FAM120B: variants seen among roughly 807,000 people sequenced by gnomAD.
The protein encoded by FAM120B is constitutive coactivator of peroxisome proliferator-activated receptor gamma.
FAM120B carries 83 observed loss-of-function variants against 96.3 expected under a neutral mutation model. That is an observed-to-expected ratio of 0.86 (90% CI 0.72 to 1.03). The LOEUF (loss-of-function observed/expected upper bound fraction) is 1.03. Among genes scored for constraint, FAM120B ranks in the 50% least tolerant of loss-of-function variants. FAM120B has a pLI of 0.00. For missense variants in FAM120B, 1,027 were observed against 1,121.2 expected (o/e 0.92, Z 1.20); for synonymous variants, 407 against 402.7 (o/e 1.01, Z -0.13).
At chr6:170,337,519 T>G (rs1786521116) in intron 4 of FAM120B, among the ~76,000 whole-genome samples, 2 of 151,966 alleles carry the variant, frequency 1.3e-5, no homozygotes, top group Non-Finnish European at 2.9e-5. Flanking sequence ...CTGCCAGTTT[T>G]GGTATCAGGA....
chr6:170,325,876 A>G (rs965744822), intron 3 of FAM120B, among the ~76,000 whole-genome samples: 3 of 150,736 alleles, frequency 2.0e-5, no homozygotes, highest in African/African-American at 7.3e-5. Flanking sequence ...AAAGTGGTTG[A>G]TCTGGGGGTC....
chr6:170,404,498 G>A (rs1020545556), intron 9 of FAM120B, 52 bp from the exon 10 acceptor site: 14 of 1,499,638 alleles, frequency 9.3e-6, no homozygotes, highest in Non-Finnish European at 1.2e-5. Flanking sequence ...TCTTGTTTGT[G>A]TATTGAGAGA....
chr6:170,357,945 C>G (rs1404107598), intron 5 of FAM120B, among the ~76,000 whole-genome samples: 2 of 152,196 alleles, frequency 1.3e-5, no homozygotes, highest in African/African-American at 4.8e-5. Context: ...CATGTGTGTG[C>G]CTGTGCATGT....
intron 1 of FAM120B, among the ~76,000 whole-genome samples, chr6:170,311,317 T>A (rs1784576943): frequency 6.6e-6 from 1 of 152,226 alleles, no homozygotes; most frequent in Non-Finnish European, 1.5e-5. Flanking sequence ...TCCAGCAGTA[T>A]CTCATCTCTT....
rs902264919 is a variant in FAM120B, at chr6:170,370,198, G to A, written c.2283+11880G>A. Among the ~76,000 whole-genome samples the A allele has an allele frequency of 2.6e-5, 4 of 152,306 alleles. 1 individual carries two copies. The highest frequency in any genetic ancestry group is 2.4e-5 in the African/African-American group (1 of 41,570). The stretch of plus-strand genomic sequence containing the variant: ...TCTGCACCTCACAGACTTCCCCAGC[G>A]GGGCGGCCCCCAGGCCTTGTGTCCT... On this transcript the variant is annotated intron_variant, in intron 6 of 10. Coordinates refer to ENST00000476287, the MANE Select transcript of FAM120B (RefSeq NM_032448.3). The surrounding 1 kb of genome is among the most constrained non-coding windows in gnomAD (Gnocchi z 4.3).
At chr6:170,399,969 ACT>A in intron 9 of FAM120B, among the ~76,000 whole-genome samples, 1 of 111,294 alleles carries the variant, frequency 9.0e-6, no homozygotes. Flanking sequence ...CTATGTCATA[ACT>A]CTTAGGAGTG....
chr6:170,362,285 A>C (rs1788507818), intron 6 of FAM120B, among the ~76,000 whole-genome samples: 1 of 152,184 alleles, frequency 6.6e-6, no homozygotes, highest in Non-Finnish European at 1.5e-5. Flanking sequence ...GTTTCTGTGG[A>C]CATTCAAGGT....
At chr6:170,384,971 A>G (rs952624469) in intron 6 of FAM120B, among the ~76,000 whole-genome samples, 8 of 152,206 alleles carry the variant, frequency 5.3e-5, no homozygotes, top group Non-Finnish European at 1.2e-4. Flanking sequence ...TGTTGAACAC[A>G]TTTTGAACAC....
chr6:170,295,226 C>A, upstream of FAM120B: 1 of 554,400 alleles, frequency 1.8e-6, no homozygotes, highest in Non-Finnish European at 3.2e-6. The surrounding 1 kb of genome is among the most constrained non-coding windows in gnomAD (Gnocchi z 7.8). Flanking sequence ...TCTTTGGACA[C>A]GTGAACATAG....
At chr6:170,403,774 G>T (rs1014655958) in intron 9 of FAM120B, among the ~76,000 whole-genome samples, 1 of 152,200 alleles carries the variant, frequency 6.6e-6, no homozygotes, top group African/African-American at 2.4e-5. Context: ...GATTCTGTAG[G>T]AGGCCTGCCA....
chr6:170,358,147 G>A, intron 5 of FAM120B, 79 bp from the exon 6 acceptor site: 6 of 1,264,932 alleles, frequency 4.7e-6, no homozygotes, highest in Non-Finnish European at 6.7e-6. Context: ...CACACTCATA[G>A]TTAATAACTG....
intron 8 of FAM120B, among the ~76,000 whole-genome samples, chr6:170,392,276 C>T (rs936985120): frequency 2.6e-5 from 4 of 152,032 alleles, no homozygotes; most frequent in African/African-American, 4.8e-5. Flanking sequence ...GGCTCGATCT[C>T]GGCTCACTGC....
chr6:170,376,685 C>T (rs1442850596), intron 6 of FAM120B, among the ~76,000 whole-genome samples: 1 of 152,102 alleles, frequency 6.6e-6, no homozygotes, highest in East Asian at 1.9e-4. Context: ...GGTTTGGTTA[C>T]GGATGAGTGG....
intron 5 of FAM120B, among the ~76,000 whole-genome samples, chr6:170,353,081 G>T (rs1787681571): frequency 6.6e-6 from 1 of 152,080 alleles, no homozygotes. Flanking sequence ...AACCATCAGA[G>T]AATACTGTAA....
intron 6 of FAM120B, among the ~76,000 whole-genome samples, chr6:170,362,644 A>G (rs934439130): frequency 1.3e-5 from 2 of 150,834 alleles, no homozygotes; most frequent in African/African-American, 4.9e-5. Context: ...CTCTCATCCC[A>G]GGGTGCAATA....
At chr6:170,331,199 T>C (rs768618814) in intron 4 of FAM120B, among the ~76,000 whole-genome samples, 26 of 152,148 alleles carry the variant, frequency 1.7e-4, no homozygotes, top group Non-Finnish European at 3.2e-4. Flanking sequence ...AGTGTCAGGG[T>C]AGGGTTCTAC....
At chr6:170,384,137 C>T (rs1480598423) in intron 6 of FAM120B, among the ~76,000 whole-genome samples, 1 of 152,288 alleles carries the variant, frequency 6.6e-6, no homozygotes, top group East Asian at 1.9e-4. Context: ...TGGGACAGCA[C>T]AAGGGAGGTC....
intron 3 of FAM120B, among the ~76,000 whole-genome samples, chr6:170,328,792 T>C (rs1411270702): frequency 6.6e-6 from 1 of 152,242 alleles, no homozygotes; most frequent in Non-Finnish European, 1.5e-5. Flanking sequence ...CTTATTCTCA[T>C]GTCTAGCGTT....
Position 170,332,937 on chromosome 6 carries a change from G to A in FAM120B, c.2017+2387G>A, listed in dbSNP as rs148867307. Among the ~76,000 whole-genome samples the A allele has an allele frequency of 4.9e-3, 748 of 151,638 alleles. 4 individuals carry two copies. The highest frequency in any genetic ancestry group is 0.013 in the African/African-American group (527 of 41,270). ...TTTTTTTTAAAGTCTTTTTCCTCTG[G>A]TAGCACATGTGATTTAATGCTTGCT... is the stretch of plus-strand genomic sequence containing the variant. On this transcript the variant is annotated intron_variant, in intron 4 of 10. Transcript: ENST00000476287.
Sources: gnomAD v4.1 joint callset for allele counts (sites outside exome capture counted in the v4.1 genomes callset) on GRCh38, gnomAD v4.1.1 for gene constraint, Gnocchi (gnomAD v3.1) non-coding constraint, MANE v1.5 for transcripts, NCBI Gene and HGNC (gene_info 2026-07-23, HGNC 2026-07-21) for gene names.